Variants in KRTAP1-4 observed in about 807,000 individuals in gnomAD.
KRTAP1-4 encodes the protein keratin-associated protein 1-4.
A neutral mutation model predicts 8.6 loss-of-function variants in KRTAP1-4; 5 were observed. The observed-to-expected ratio is 0.58, with a 90% CI of 0.30 to 1.23. The LOEUF is 1.23. KRTAP1-4 is among the 50% of genes most tolerant of loss of function. KRTAP1-4 has a pLI of 0.07. For synonymous variants in KRTAP1-4, 50 were observed against 58.9 expected (o/e 0.85, Z 0.69); for missense variants, 157 against 160.7 (o/e 0.98, Z 0.12).
rs1164499887 is a variant in KRTAP1-4, at chr17:41,029,730, A to G, written c.349T>C (p.Cys117Arg). Residue 117 changes from cysteine to arginine, a missense_variant, in exon 1 of 1, where the codon TGT becomes CGT. Transcript: ENST00000377747. The part of the protein sequence containing the change: ...CCRPACCCHC[C>R]EPTC ...CCTGGCTTTTAGCAGGTGGGCTCAC[A>G]GCAGTGGCAGCAGCAGGCTGGGCGG... 1 of 1,563,454 alleles carries G rather than the reference A, an allele frequency of 6.4e-7. No homozygotes were observed. Among genetic ancestry groups the G allele is most frequent in the African/African-American group, 1.3e-5 (1 of 74,166 alleles).
At position 41,030,142 on chromosome 17, in the gene KRTAP1-4, A is replaced by C; in HGVS notation, c.-64T>G. The C allele has an allele frequency of 1.9e-6, 3 of 1,542,100 alleles. No homozygotes were observed. In the Admixed American group the frequency reaches 5.9e-5, roughly 30 times the overall value. ...TTTCTGAGTTTGGGCTGTACCTTCTATATCTGTCCTTTGATATGTTCCCTA... is the reference window on the plus strand; with the variant it reads ...TTTCTGAGTTTGGGCTGTACCTTCTCTATCTGTCCTTTGATATGTTCCCTA... On this transcript the variant is annotated 5_prime_UTR_variant, in exon 1 of 1. Coordinates refer to ENST00000377747, the MANE Select transcript of KRTAP1-4 (RefSeq NM_001257305.2).
rs775077869 is a variant in KRTAP1-4, at chr17:41,029,890, G to A, written c.189C>T (p.Cys63=). 5.6e-6 allele frequency: 9 copies of A among 1,606,366 alleles called. No homozygotes were observed. The highest frequency in any genetic ancestry group is 5.1e-5 in the Admixed American group (3 of 58,664). Residue 63 remains cysteine (C), a synonymous_variant, in exon 1 of 1, where the codon TGC becomes TGT. Coordinates refer to ENST00000377747, the MANE Select transcript of KRTAP1-4 (RefSeq NM_001257305.2). The stretch of plus-strand genomic sequence containing the variant: ...TGCCCTCCACGTGGCAATCTGGGTG[G>A]CACCACCTGATACGGGTGCTCACAG... ...GGSVSTRIRW[C]HPDCHVEGTC...
chr17:41,029,755 G>A lies in KRTAP1-4; in HGVS notation c.324C>T (p.Cys108=). The A allele has an allele frequency of 6.3e-7, 1 of 1,575,266 alleles. No individual in the cohort carries two copies. Among genetic ancestry groups the A allele is most frequent in the Non-Finnish European group, 8.6e-7 (1 of 1,158,288 alleles). The change falls in exon 1 of 1, where the codon TGC becomes TGT. Residue 108 remains cysteine, a synonymous_variant. Coordinates refer to ENST00000377747, the MANE Select transcript of KRTAP1-4 (RefSeq NM_001257305.2). The stretch of plus-strand genomic sequence containing the variant: ...AGCAGTGGCAGCAGCAGGCTGGGCG[G>A]CAGCAGGACTGTCCACAGTAGGACG... The part of the protein sequence containing the change: ...CRPSYCGQSC[C]RPACCCHCCE...
In KRTAP1-4 at chr17:41,029,443, T is replaced by TG. The variant is rs2012400886; in HGVS notation, c.*269dup. 6.6e-6 allele frequency among the ~76,000 whole-genome samples: 1 copy of TG among 152,188 alleles called. No individual in the cohort carries two copies. The highest frequency in any genetic ancestry group is 2.1e-4 in the South Asian group (1 of 4,830). On this transcript the variant is annotated 3_prime_UTR_variant, in exon 1 of 1. Transcript: ENST00000377747. Reference sequence around the variant, plus strand: ...AGATGCATGAGCATCAAGAGAGAGTTGGGGGAGCAGAGATGTCACTGAAAT... The same window carrying TG: ...AGATGCATGAGCATCAAGAGAGAGTTGGGGGGAGCAGAGATGTCACTGAAAT...
chr17:41,029,550 A>G lies in KRTAP1-4; in HGVS notation c.*163T>C. The G allele has an allele frequency of 9.1e-7, 1 of 1,102,106 alleles. No individual in the cohort carries two copies. The highest frequency in any genetic ancestry group is 1.3e-6 in the Non-Finnish European group (1 of 797,598). 68.3% of individuals were successfully genotyped at this position (1,102,106 alleles called of 1,614,324 possible). ...GATTGATACATCTTTCAGTAAGTGA[A>G]TTCGGCACATCCACAGTGTCCTAAC... On this transcript the variant is annotated 3_prime_UTR_variant, in exon 1 of 1. Coordinates refer to ENST00000377747, the MANE Select transcript of KRTAP1-4 (RefSeq NM_001257305.2).
chr17:41,029,850 A>AG lies in KRTAP1-4; in HGVS notation c.228dup (p.Cys77LeufsTer42). The AG allele has an allele frequency of 6.2e-7, 1 of 1,610,016 alleles. No homozygotes were observed. Among genetic ancestry groups the AG allele is most frequent in the South Asian group, 1.1e-5 (1 of 90,500 alleles). On this transcript the variant is annotated frameshift_variant, in exon 1 of 1. Transcript: ENST00000377747. LOFTEE classifies it high-confidence loss of function. The stretch of plus-strand genomic sequence containing the variant: ...GGGGGTGTGCAGCTTACCAGGTAGC[A>AG]GGGGGGCAGGCAGGTGCCCTCCACG...
rs2012410787 is a variant in KRTAP1-4, at chr17:41,029,820, A to T, written c.259T>A (p.Cys87Ser). The T allele has an allele frequency of 6.2e-7, 1 of 1,611,376 alleles. No individual in the cohort carries two copies. Among genetic ancestry groups the T allele is most frequent in the Non-Finnish European group, 8.5e-7 (1 of 1,179,126 alleles). Reference sequence around the variant, plus strand: ...GCCTCGGCGTGGTGCAGCTGGCAGCAGGATGGGGGTGTGCAGCTTACCAGG... The same window carrying T: ...GCCTCGGCGTGGTGCAGCTGGCAGCTGGATGGGGGTGTGCAGCTTACCAGG... ...CYLVSCTPPS[C>S]CQLHHAEASC... The change falls in exon 1 of 1, where the codon TGC becomes AGC. Residue 87 changes from cysteine (C) to serine (S), a missense_variant. Cys to Ser is a moderately radical substitution (Grantham distance 112). Coordinates refer to ENST00000377747, the MANE Select transcript of KRTAP1-4 (RefSeq NM_001257305.2).
Position 41,029,554 on chromosome 17 carries a change from G to A in KRTAP1-4, c.*159C>T, listed in dbSNP as rs554251240. 2.7e-6 allele frequency: 3 copies of A among 1,121,450 alleles called. No individual in the cohort carries two copies. Among genetic ancestry groups the A allele is most frequent in the South Asian group, 2.1e-5 (1 of 48,482 alleles). 69.5% of individuals were successfully genotyped at this position (1,121,450 alleles called of 1,614,324 possible). On this transcript the variant is annotated 3_prime_UTR_variant, in exon 1 of 1. Transcript: ENST00000377747. Reference sequence around the variant, plus strand: ...GATACATCTTTCAGTAAGTGAATTCGGCACATCCACAGTGTCCTAACTAGG... The same window carrying A: ...GATACATCTTTCAGTAAGTGAATTCAGCACATCCACAGTGTCCTAACTAGG...
chr17:41,030,063 T>A lies in KRTAP1-4; in HGVS notation c.16A>T (p.Thr6Ser). 2.5e-6 allele frequency: 4 copies of A among 1,595,608 alleles called. 1 individual carries two copies. The South Asian group carries it at 4.5e-5, about 18-fold the overall frequency. Residue 6 changes from threonine (T) to serine (S), a missense_variant, in exon 1 of 1, where the codon ACC becomes TCC. Physicochemically the swap from Thr to Ser is moderately conservative, Grantham distance 58. Transcript: ENST00000377747. ...CAGCTGGAGCCACAGGTCCCACTGG[T>A]GGAACAGCTGGCCATGGTGTCAGGA... MASCS[T>S]SGTCGSSCCQ...
In KRTAP1-4 at chr17:41,029,698, T is replaced by C; in HGVS notation, c.*15A>G. ...TGCTTCCCCTTTCATTCTTAAGCGA[T>C]CAGCAACCTGGCTTTTAGCAGGTGG... is the stretch of plus-strand genomic sequence containing the variant. On this transcript the variant is annotated 3_prime_UTR_variant, in exon 1 of 1. Transcript: ENST00000377747. 6.6e-7 allele frequency: 1 copy of C among 1,525,064 alleles called. No individual in the cohort carries two copies. Among genetic ancestry groups the C allele is most frequent in the Non-Finnish European group, 8.8e-7 (1 of 1,136,630 alleles). The allele number at this position is 1,525,064 out of a possible 1,614,324, so 94.5% of individuals were successfully genotyped here.
rs1251199138 is a variant in KRTAP1-4 at position 41,029,585 on chromosome 17, CATT to C, written c.*125_*127del. The C allele has an allele frequency of 7.4e-7, 1 of 1,355,112 alleles. No individual in the cohort carries two copies. Among genetic ancestry groups the C allele is most frequent in the African/African-American group, 1.5e-5 (1 of 67,804 alleles). The allele number at this position is 1,355,112 out of a possible 1,614,324, so 83.9% of individuals were successfully genotyped here. Reference sequence around the variant, plus strand: ...TCCACAGTGTCCTAACTAGGAGTTTCATTATCTCTGAGCAGCTTAACAACATCA... The same window carrying C: ...TCCACAGTGTCCTAACTAGGAGTTTCATCTCTGAGCAGCTTAACAACATCA... On this transcript the variant is annotated 3_prime_UTR_variant, in exon 1 of 1. Transcript: ENST00000377747.
rs1376983974 is a variant in KRTAP1-4, at chr17:41,029,384, TAATCAGAGATA to T, written c.*318_*328del. Among the ~76,000 whole-genome samples the T allele has an allele frequency of 1.3e-5, 2 of 152,340 alleles. No individual in the cohort carries two copies. The highest frequency in any genetic ancestry group is 3.9e-4 in the East Asian group (2 of 5,190). ...GCACATTAAAACATTTTATTTGGATTAATCAGAGATATTCAAGGAAAAACCAGGTCTGAAGA... is the reference window on the plus strand; with the variant it reads ...GCACATTAAAACATTTTATTTGGATTTTCAAGGAAAAACCAGGTCTGAAGA... On this transcript the variant is annotated 3_prime_UTR_variant, in exon 1 of 1. Coordinates refer to ENST00000377747, the MANE Select transcript of KRTAP1-4 (RefSeq NM_001257305.2).
rs1247670131 is a variant in KRTAP1-4, at chr17:41,029,774, T to G, written c.305A>C (p.Tyr102Ser). The G allele has an allele frequency of 6.3e-7, 1 of 1,597,778 alleles. No homozygotes were observed. The highest frequency in any genetic ancestry group is 1.3e-5 in the African/African-American group (1 of 74,792). ...TGGGCGGCAGCAGGACTGTCCACAGTAGGACGGGCGGCAGCAGGAGGCCTC... is the reference window on the plus strand; with the variant it reads ...TGGGCGGCAGCAGGACTGTCCACAGGAGGACGGGCGGCAGCAGGAGGCCTC... ...HAEASCCRPS[Y>S]CGQSCCRPAC... Residue 102 changes from tyrosine to serine, a missense_variant, in exon 1 of 1, where the codon TAC (tyrosine) becomes TCC (serine). Coordinates refer to ENST00000377747, the MANE Select transcript of KRTAP1-4 (RefSeq NM_001257305.2).
rs1177586286 is a variant in KRTAP1-4 at position 41,029,908 on chromosome 17, G to A, written c.171C>T (p.Ser57=). Residue 57 remains serine (S), a synonymous_variant, in exon 1 of 1, where the codon AGC becomes AGT. Coordinates refer to ENST00000377747, the MANE Select transcript of KRTAP1-4 (RefSeq NM_001257305.2). The part of the protein sequence containing the change: ...YGQEGSGGSV[S]TRIRWCHPDC... ...CTGGGTGGCACCACCTGATACGGGT[G>A]CTCACAGATCCACCGCTGCCCTCCT... 2.1e-5 allele frequency: 33 copies of A among 1,606,296 alleles called. No homozygotes were observed. Among genetic ancestry groups the A allele is most frequent in the South Asian group, 2.0e-4 (18 of 89,884 alleles).
At position 41,030,010 on chromosome 17, in the gene KRTAP1-4, G is replaced by T. The variant is rs1409234583; in HGVS notation, c.69C>A (p.Ser23Arg). 2 of 1,611,126 alleles carry T rather than the reference G, an allele frequency of 1.2e-6. No homozygotes were observed. The highest frequency in any genetic ancestry group is 2.2e-5 in the East Asian group (1 of 44,820). Residue 23 changes from serine to arginine, a missense_variant, in exon 1 of 1, where the codon AGC becomes AGA. By Grantham distance (110) the Ser-to-Arg change is moderately radical. Coordinates refer to ENST00000377747, the MANE Select transcript of KRTAP1-4 (RefSeq NM_001257305.2). Reference protein sequence around the residue: ...SCCQPSCCETSCCQPSCCQTS... With the variant: ...SCCQPSCCETRCCQPSCCQTS... ...TCTGGCAGCAGCTTGGCTGGCAGCAGCTAGTTTCACAGCAGCTTGGCTGGC... is the reference window on the plus strand; with the variant it reads ...TCTGGCAGCAGCTTGGCTGGCAGCATCTAGTTTCACAGCAGCTTGGCTGGC...
chr17:41,030,047 C>T lies in KRTAP1-4; in HGVS notation c.32G>A (p.Gly11Asp), dbSNP rs1384892122. Residue 11 changes from glycine to aspartate, a missense_variant, in exon 1 of 1, where the codon GGC becomes GAC. By Grantham distance (94) the Gly-to-Asp change is moderately conservative (BLOSUM62 -1). Coordinates refer to ENST00000377747, the MANE Select transcript of KRTAP1-4 (RefSeq NM_001257305.2). MASCSTSGTC[G>D]SSCCQPSCCE... is the part of the protein sequence containing the mutation. ...GCAGCTTGGCTGGCAGCAGCTGGAG[C>T]CACAGGTCCCACTGGTGGAACAGCT... 1 of 1,604,030 alleles carries T rather than the reference C, an allele frequency of 6.2e-7. No individual in the cohort carries two copies. Among genetic ancestry groups the T allele is most frequent in the East Asian group, 2.2e-5 (1 of 44,538 alleles).
chr17:41,029,642 C>T lies in KRTAP1-4; in HGVS notation c.*71G>A. 2 of 1,458,556 alleles carry T rather than the reference C, an allele frequency of 1.4e-6. No homozygotes were observed. Among genetic ancestry groups the T allele is most frequent in the South Asian group, 2.9e-5 (2 of 68,000 alleles). 90.4% of individuals were successfully genotyped at this position (1,458,556 alleles called of 1,614,324 possible). The stretch of plus-strand genomic sequence containing the variant: ...TACTTAGCATCCAAGTAAAATCGAA[C>T]AGTTCTTCAGAAATCAGCACAATTT... On this transcript the variant is annotated 3_prime_UTR_variant, in exon 1 of 1. Transcript: ENST00000377747.
In KRTAP1-4 at chr17:41,029,744, C is replaced by G. The variant is rs774720182; in HGVS notation, c.335G>C (p.Cys112Ser). 2 of 1,569,798 alleles carry G rather than the reference C, an allele frequency of 1.3e-6. No homozygotes were observed. Among genetic ancestry groups the G allele is most frequent in the Non-Finnish European group, 1.7e-6 (2 of 1,155,632 alleles). ...GGTGGGCTCACAGCAGTGGCAGCAG[C>G]AGGCTGGGCGGCAGCAGGACTGTCC... Reference protein sequence around the residue: ...YCGQSCCRPACCCHCCEPTC With the variant: ...YCGQSCCRPASCCHCCEPTC Residue 112 changes from cysteine (C) to serine (S), a missense_variant, in exon 1 of 1, where the codon TGC (cysteine) becomes TCC (serine). By Grantham distance (112) the Cys-to-Ser change is moderately radical (BLOSUM62 -1). Transcript: ENST00000377747.
chr17:41,030,138 T>A lies in KRTAP1-4; in HGVS notation c.-60A>T. ...GAGGTTTCTGAGTTTGGGCTGTACC[T>A]TCTATATCTGTCCTTTGATATGTTC... On this transcript the variant is annotated 5_prime_UTR_variant, in exon 1 of 1. The change creates a new upstream start codon in the 5' untranslated region. Coordinates refer to ENST00000377747, the MANE Select transcript of KRTAP1-4 (RefSeq NM_001257305.2). 2 of 1,544,278 alleles carry A rather than the reference T, an allele frequency of 1.3e-6. No individual in the cohort carries two copies. The highest frequency in any genetic ancestry group is 1.8e-6 in the Non-Finnish European group (2 of 1,142,024).
Sources: allele counts gnomAD v4.1 joint callset (sites outside exome capture counted in the v4.1 genomes callset), GRCh38; gene constraint gnomAD v4.1.1; transcripts MANE v1.5; gene names NCBI Gene and HGNC (gene_info 2026-07-23, HGNC 2026-07-21).